PLB1: variants seen among roughly 807,000 people sequenced by gnomAD.
PLB1 encodes the protein phospholipase B1, membrane-associated.
Under a neutral mutation model 227.4 loss-of-function variants are expected in PLB1, and 242 were observed. That is an observed-to-expected ratio of 1.06 (90% CI 0.96 to 1.18). The LOEUF is 1.18. PLB1 is among the 50% of genes most tolerant of loss of function. The pLI is 0.00. For missense variants in PLB1, 1,858 were observed against 1,816.3 expected (o/e 1.02, Z -0.42); for synonymous variants, 757 against 682.2 (o/e 1.11, Z -1.71).
rs545514173 is a variant in PLB1 at position 28,583,127 on chromosome 2, T to A, written c.1733+622T>A. Among the ~76,000 whole-genome samples the A allele has an allele frequency of 4.6e-5, 7 of 151,992 alleles. No homozygotes were observed. The East Asian group carries it at 1.4e-3, about 29-fold the overall frequency. On this transcript the variant is annotated intron_variant, in intron 25 of 57. Coordinates refer to ENST00000327757, the MANE Select transcript of PLB1 (RefSeq NM_153021.5). Reference sequence around the variant, plus strand: ...GCCAGACAGAGCTGGCTTCCCCTTCTAATACAGGCTGAGCATCCCTCATCC... The same window carrying A: ...GCCAGACAGAGCTGGCTTCCCCTTCAAATACAGGCTGAGCATCCCTCATCC...
At chr2:28,508,018 G>A (rs144986949) in intron 1 of PLB1, among the ~76,000 whole-genome samples, 2 of 152,312 alleles carry the variant, frequency 1.3e-5, no homozygotes, top group African/African-American at 2.4e-5. Flanking sequence ...GTGACTAATG[G>A]TAATAAGGAC....
At chr2:28,529,438 T>C in intron 7 of PLB1, 31 bp downstream of exon 7, 1 of 1,514,290 alleles carries the variant, frequency 6.6e-7, no homozygotes, top group Non-Finnish European at 9.2e-7. Context: ...TCTCTGAGGT[T>C]ATGTGTTCCT....
chr2:28,518,088 G>A (rs1229866017), intron 2 of PLB1, among the ~76,000 whole-genome samples: 1 of 152,026 alleles, frequency 6.6e-6, no homozygotes, highest in Non-Finnish European at 1.5e-5. Flanking sequence ...CGCCATGTTA[G>A]CCAGGCTGGT....
At chr2:28,598,282 A>G (rs4371315) in intron 34 of PLB1, among the ~76,000 whole-genome samples, 40,103 of 152,086 alleles carry the variant, frequency 0.26, 5,550 homozygotes, top group East Asian at 0.41. Context: ...GCTGGGTTCA[A>G]TCTCCGATGT....
intron 22 of PLB1, 86 bp downstream of exon 22, chr2:28,578,244 G>T: frequency 7.3e-7 from 1 of 1,370,562 alleles, no homozygotes; most frequent in South Asian, 1.2e-5. Flanking sequence ...TTGGGAGCCC[G>T]GCTTGGGTTT....
At chr2:28,535,498 A>G (rs1671566209) in intron 9 of PLB1, among the ~76,000 whole-genome samples, 1 of 152,184 alleles carries the variant, frequency 6.6e-6, no homozygotes, top group Admixed American at 6.5e-5. Context: ...ACCTCTGGCC[A>G]CACCTCCCCG....
chr2:28,500,374 C>T (rs916671336), intron 1 of PLB1, among the ~76,000 whole-genome samples: 1 of 152,064 alleles, frequency 6.6e-6, no homozygotes, highest in Non-Finnish European at 1.5e-5. Context: ...GACTTTTTTC[C>T]CTTGTGAAGG....
chr2:28,603,994 C>A lies in PLB1; in HGVS notation c.2803C>A (p.Arg935=), dbSNP rs548225932. Reference sequence around the variant, plus strand: ...TTTGTGTAACTGCGTTCTGACCCTGCGGGAGAACTCCCAAGAGCTAGCCAG... The same window carrying A: ...TTTGTGTAACTGCGTTCTGACCCTGAGGGAGAACTCCCAAGAGCTAGCCAG... ...SVLCNCVLTL[R]ENSQELARLE... is the part of the protein sequence containing the mutation. The change falls in exon 40 of 58, where the codon CGG becomes AGG. Residue 935 remains arginine, a synonymous_variant. Transcript: ENST00000327757. 1 of 1,614,198 alleles carries A rather than the reference C, an allele frequency of 6.2e-7. No homozygotes were observed. The highest frequency in any genetic ancestry group is 1.1e-5 in the South Asian group (1 of 91,082).
At chr2:28,522,948 G>A (rs79962569) in intron 4 of PLB1, among the ~76,000 whole-genome samples, 7,187 of 152,244 alleles carry the variant, frequency 0.047, 262 homozygotes, top group Middle Eastern at 0.088. Context: ...GTGAATTTAA[G>A]AAGAAAAAAG....
intron 44 of PLB1, among the ~76,000 whole-genome samples, chr2:28,616,034 G>C (rs149525983): frequency 1.3e-5 from 2 of 152,336 alleles, no homozygotes; most frequent in Non-Finnish European, 2.9e-5. Context: ...TGACTTCACA[G>C]AAGTAGAGTA....
At chr2:28,527,751 G>A (rs1038398968) in intron 6 of PLB1, among the ~76,000 whole-genome samples, 7 of 152,226 alleles carry the variant, frequency 4.6e-5, no homozygotes, top group Non-Finnish European at 1.0e-4. Flanking sequence ...CAAGTACACA[G>A]CAGACTTAAA....
intron 23 of PLB1, among the ~76,000 whole-genome samples, 197 bp from the exon 24 acceptor site, chr2:28,581,871 G>T (rs566721379): frequency 6.6e-6 from 1 of 152,160 alleles, no homozygotes; most frequent in South Asian, 2.1e-4. Context: ...TGAGGTGGGA[G>T]GATTGCTTGA....
chr2:28,501,612 C>A (rs1667111751), intron 1 of PLB1, among the ~76,000 whole-genome samples: 1 of 152,082 alleles, frequency 6.6e-6, no homozygotes, highest in African/African-American at 2.4e-5. Flanking sequence ...CTTCCCCTAC[C>A]CTTTCTATCC....
At position 28,604,777 on chromosome 2, in the gene PLB1, A is replaced by C. The variant is rs36116681; in HGVS notation, c.2961+18A>C. On this transcript the variant is annotated intron_variant, in intron 41 of 57. Coordinates refer to ENST00000327757, the MANE Select transcript of PLB1 (RefSeq NM_153021.5). ...TCCTGGCGGTATGTCCCCTGCCCTC[A>C]CCCATGGTACTCTTTTAGAGGAAGA... The C allele has an allele frequency of 6.2e-7, 1 of 1,602,852 alleles. No homozygotes were observed. Among genetic ancestry groups the C allele is most frequent in the Non-Finnish European group, 8.5e-7 (1 of 1,171,966 alleles).
intron 49 of PLB1, among the ~76,000 whole-genome samples, chr2:28,624,358 G>A (rs1328475327): frequency 5.3e-5 from 8 of 152,148 alleles, no homozygotes; most frequent in Non-Finnish European, 8.8e-5. Context: ...ATGATTTTGC[G>A]ATGCATCCAT....
At chr2:28,577,874 A>G (rs1679242659) in intron 21 of PLB1, among the ~76,000 whole-genome samples, 1 of 152,170 alleles carries the variant, frequency 6.6e-6, no homozygotes, top group East Asian at 1.9e-4. Context: ...CACACTGAGA[A>G]TCACCCCCTC....
At chr2:28,642,798 G>A (rs1690115639) in intron 57 of PLB1, 60 bp from the exon 58 acceptor site, 1 of 1,433,880 alleles carries the variant, frequency 7.0e-7, no homozygotes, top group Non-Finnish European at 9.5e-7. Context: ...GGCAAGTCTT[G>A]GCTTGGTGAT....
At chr2:28,637,165 T>G (rs1462769283) in intron 56 of PLB1, among the ~76,000 whole-genome samples, 2 of 151,924 alleles carry the variant, frequency 1.3e-5, no homozygotes, top group Non-Finnish European at 2.9e-5. Flanking sequence ...TGGTGGCACG[T>G]GCCTATAATT....
At chr2:28,596,493 C>T (rs750204815) in intron 33 of PLB1, among the ~76,000 whole-genome samples, 5 of 152,136 alleles carry the variant, frequency 3.3e-5, no homozygotes, top group African/African-American at 1.2e-4. Flanking sequence ...GTACTTGATG[C>T]GTTTGTGTTT....
Sources: gnomAD v4.1 joint callset for allele counts (sites outside exome capture counted in the v4.1 genomes callset) on GRCh38, gnomAD v4.1.1 for gene constraint, MANE v1.5 for transcripts, NCBI Gene and HGNC (gene_info 2026-07-23, HGNC 2026-07-21) for gene names.